Variants in PTPRM observed in about 807,000 individuals in gnomAD.
PTPRM encodes protein tyrosine phosphatase receptor type M.
A neutral mutation model predicts 186.7 loss-of-function variants in PTPRM; 47 were observed. The observed-to-expected ratio is 0.25, with a 90% CI of 0.20 to 0.32. The LOEUF (loss-of-function observed/expected upper bound fraction) is 0.32, where lower values mean the gene tolerates loss of function less well. Ranked by LOEUF, PTPRM falls within the 10% of genes least tolerant of loss-of-function variation. PTPRM has a pLI of 1.00. For missense variants in PTPRM, 1,494 were observed against 1,865.0 expected, an observed-to-expected ratio of 0.80 and a Z score of 3.66; for synonymous variants, 668 against 674.9, an observed-to-expected ratio of 0.99 and a Z score of 0.16.
intron 1 of PTPRM, among the ~76,000 whole-genome samples, chr18:7,735,154 T>C (rs933796262): frequency 3.3e-5 from 5 of 152,210 alleles, no homozygotes; most frequent in Non-Finnish European, 7.3e-5. Context: ...TGATGGCTCA[T>C]GCCTGTAATC....
chr18:8,355,717 A>G (rs779692974), intron 23 of PTPRM, among the ~76,000 whole-genome samples: 1 of 152,218 alleles, frequency 6.6e-6, no homozygotes, highest in Non-Finnish European at 1.5e-5. Context: ...CTTTGATTAC[A>G]TGCAACAGAA....
intron 7 of PTPRM, among the ~76,000 whole-genome samples, chr18:8,020,199 C>T (rs187328402): frequency 5.9e-5 from 9 of 152,306 alleles, no homozygotes; most frequent in Admixed American, 5.2e-4. Context: ...TAAAACTGCA[C>T]TCTCACTCCA....
intron 19 of PTPRM, among the ~76,000 whole-genome samples, chr18:8,281,262 G>A (rs1782963521): frequency 6.6e-6 from 1 of 152,156 alleles, no homozygotes; most frequent in Admixed American, 6.5e-5. Context: ...CCTTTCCTGT[G>A]CATTTATCGC....
intron 23 of PTPRM, among the ~76,000 whole-genome samples, chr18:8,344,446 GTGTATATATATATA>G (rs1362529215): frequency 0.029 from 490 of 16,624 alleles, 6 homozygotes; most frequent in African/African-American, 0.033. Context: ...GTGTGTGTGT[GTGTATATATATATA>G]TATATATATA....
chr18:7,588,860 C>G (rs1226205974), intron 1 of PTPRM, among the ~76,000 whole-genome samples: 1 of 152,118 alleles, frequency 6.6e-6, no homozygotes, highest in East Asian at 1.9e-4. Context: ...CCCTCAATCT[C>G]TAGTACATTG....
At chr18:7,572,360 A>T (rs2036585403) in intron 1 of PTPRM, among the ~76,000 whole-genome samples, 1 of 152,170 alleles carries the variant, frequency 6.6e-6, no homozygotes, top group Non-Finnish European at 1.5e-5. Flanking sequence ...AGCATAGCCT[A>T]GCCTTTAGAT....
intron 13 of PTPRM, among the ~76,000 whole-genome samples, chr18:8,126,198 C>G (rs1271646285): frequency 6.7e-6 from 1 of 150,364 alleles, no homozygotes; most frequent in East Asian, 2.0e-4. Flanking sequence ...AGTTGATGAC[C>G]TGTCTTACTA....
chr18:8,281,597 C>T (rs4798619), intron 19 of PTPRM, among the ~76,000 whole-genome samples: 3 of 151,868 alleles, frequency 2.0e-5, no homozygotes, highest in Non-Finnish European at 2.9e-5. Context: ...CAACTCTTTC[C>T]GCAACCCTGA....
intron 14 of PTPRM, among the ~76,000 whole-genome samples, chr18:8,175,302 G>A (rs951460751): frequency 3.3e-5 from 5 of 152,164 alleles, no homozygotes; most frequent in Admixed American, 6.5e-5. Context: ...CTGCAATAGT[G>A]TAAAATAAGG....
chr18:8,095,609 C>T (rs917484632), intron 11 of PTPRM, among the ~76,000 whole-genome samples: 11 of 151,902 alleles, frequency 7.2e-5, no homozygotes, highest in South Asian at 2.1e-4. Flanking sequence ...GGTTAGAGGG[C>T]GTGCGGCCTC....
chr18:8,392,440 C>T (rs943295299), intron 31 of PTPRM, among the ~76,000 whole-genome samples: 87 of 152,082 alleles, frequency 5.7e-4, no homozygotes, highest in South Asian at 1.5e-3. Flanking sequence ...CTGGCTAACA[C>T]GGTGAAACCC....
At chr18:8,010,494 G>C (rs2147860272) in intron 7 of PTPRM, among the ~76,000 whole-genome samples, 1 of 152,228 alleles carries the variant, frequency 6.6e-6, no homozygotes, top group South Asian at 2.1e-4. Flanking sequence ...CCCAAACCTT[G>C]TCCATTCTGA....
chr18:8,379,504 G>A (rs1280164186), intron 28 of PTPRM, among the ~76,000 whole-genome samples, 164 bp downstream of exon 28: 1 of 152,090 alleles, frequency 6.6e-6, no homozygotes, highest in African/African-American at 2.4e-5. Flanking sequence ...ATGTTTTTGT[G>A]TCGGGGCTGA....
chr18:7,620,238 C>G (rs2037905384), intron 1 of PTPRM, among the ~76,000 whole-genome samples: 1 of 152,174 alleles, frequency 6.6e-6, no homozygotes. Context: ...GGCCTTTCTC[C>G]TTTGTTTCTT....
chr18:7,992,767 CAAG>C (rs2083329605), intron 7 of PTPRM, among the ~76,000 whole-genome samples: 1 of 151,918 alleles, frequency 6.6e-6, no homozygotes, highest in South Asian at 2.1e-4. Context: ...TATTTCTGGT[CAAG>C]AAAACATCAC....
At chr18:7,627,455 G>A (rs1040773643) in intron 1 of PTPRM, among the ~76,000 whole-genome samples, 4 of 152,200 alleles carry the variant, frequency 2.6e-5, no homozygotes, top group Admixed American at 2.0e-4. Flanking sequence ...CAGAGAACTG[G>A]CCCTTCCCAG....
chr18:8,360,854 G>C (rs2095593229), intron 23 of PTPRM: 1 of 152,172 alleles, frequency 6.6e-6, no homozygotes, highest in African/African-American at 2.4e-5. Flanking sequence ...TTATTCTAGA[G>C]TAACATAGCA....
chr18:8,105,617 C>T, intron 11 of PTPRM, among the ~76,000 whole-genome samples: 1 of 152,116 alleles, frequency 6.6e-6, no homozygotes, highest in Non-Finnish European at 1.5e-5. Context: ...ATTTTCTTTT[C>T]TTCAAAGTAA....
chr18:8,014,175 A>G (rs1737443384), intron 7 of PTPRM, among the ~76,000 whole-genome samples: 2 of 152,198 alleles, frequency 1.3e-5, no homozygotes, highest in African/African-American at 2.4e-5. Flanking sequence ...TAGAATACAA[A>G]AAATTAATAT....
Sources: allele counts gnomAD v4.1 joint callset (sites outside exome capture counted in the v4.1 genomes callset), GRCh38; gene constraint gnomAD v4.1.1; transcripts MANE v1.5; gene names NCBI Gene and HGNC (gene_info 2026-07-23, HGNC 2026-07-21).